The following ZNF320 variants were observed in gnomAD, a reference collection of about 807,000 sequenced individuals.
ZNF320 encodes the protein zinc finger protein 320.
In ZNF320, 2 loss-of-function variants were observed where a neutral mutation model predicts 6.8. That is an observed-to-expected ratio of 0.29 (90% CI 0.12 to 0.93). The LOEUF is 0.93. Ranked by LOEUF, ZNF320 falls within the 40% of genes least tolerant of loss-of-function variation. The probability of loss-of-function intolerance (pLI) is 0.55; values close to 1 mark genes in which losing one functional copy is unlikely to be tolerated. For missense variants in ZNF320, 472 were observed against 611.0 expected (o/e 0.77, Z 2.40); for synonymous variants, 208 against 203.2 (o/e 1.02, Z -0.20).
upstream of ZNF320, among the ~76,000 whole-genome samples, chr19:52,901,266 A>T (rs147090188): frequency 8.9e-3 from 1,357 of 152,292 alleles, 20 homozygotes; most frequent in African/African-American, 0.031. Context: ...TCTTTTGTCT[A>T]ACTTCAGTGA....
Position 52,877,761 on chromosome 19 carries a change from C to G in ZNF320, c.*2835G>C, listed in dbSNP as rs943510598. The stretch of plus-strand genomic sequence containing the variant: ...GTAATTTTTATTTTCCTTTCACAAG[C>G]TTGTGACAGCCATAATGCTTTGACA... On this transcript the variant is annotated 3_prime_UTR_variant, in exon 6 of 6. Coordinates refer to ENST00000682928, the MANE Select transcript of ZNF320 (RefSeq NM_001351774.2). The G allele has an allele frequency of 6.6e-6, 1 of 152,138 alleles. No homozygotes were observed. The highest frequency in any genetic ancestry group is 1.5e-5 in the Non-Finnish European group (1 of 68,016). The allele number at this position is 152,138 out of a possible 1,614,324, so 9.4% of individuals were successfully genotyped here.
chr19:52,881,857 A>G lies in ZNF320; in HGVS notation c.269T>C (p.Ile90Thr). The change falls in exon 6 of 6, where the codon ATT (isoleucine) becomes ACT (threonine). Residue 90 changes from isoleucine to threonine, a missense_variant. Ile to Thr is a moderately conservative substitution (Grantham distance 89). This residue lies in a region of ZNF320 where 462 missense variants were observed against 559.7 expected (regional missense o/e 0.83). Coordinates refer to ENST00000682928, the MANE Select transcript of ZNF320 (RefSeq NM_001351774.2). ...YHIGAFCSQE[I>T]EKDIHDFVFQ... ...CACAAAGTCATGAATGTCTTTCTCA[A>G]TTTCCTGGGAGCAAAATGCTCCAAT... 4 of 1,613,822 alleles carry G rather than the reference A, an allele frequency of 2.5e-6. No individual in the cohort carries two copies. Among genetic ancestry groups the G allele is most frequent in the Non-Finnish European group, 3.4e-6 (4 of 1,179,840 alleles).
In ZNF320 at chr19:52,876,385, A is replaced by G. The variant is rs1568703220; in HGVS notation, c.*4211T>C. ...CAATTTTAAAATGGCTTAAAAATATATCTAATGAAATGTGGGGTCAAAGAA... is the reference window on the plus strand; with the variant it reads ...CAATTTTAAAATGGCTTAAAAATATGTCTAATGAAATGTGGGGTCAAAGAA... On this transcript the variant is annotated 3_prime_UTR_variant, in exon 6 of 6. Transcript: ENST00000682928. 1 of 152,248 alleles carries G rather than the reference A, an allele frequency of 6.6e-6. No individual in the cohort carries two copies. Among genetic ancestry groups the G allele is most frequent in the Non-Finnish European group, 1.5e-5 (1 of 68,042 alleles). 9.4% of individuals were successfully genotyped at this position (152,248 alleles called of 1,614,324 possible). A position where few individuals can be genotyped will look rare whatever the true frequency, so the allele number is the denominator to read the frequency against.
At chr19:52,868,465 C>G (rs1309524769) in intron 5 of ZNF320, among the ~76,000 whole-genome samples, 1 of 150,484 alleles carries the variant, frequency 6.6e-6, no homozygotes, top group Non-Finnish European at 1.5e-5. Context: ...CGGATTGCGC[C>G]ACTGTAGTCC....
chr19:52,903,318 G>C, the ZNF320 span, among the ~76,000 whole-genome samples: 23 of 152,176 alleles, frequency 1.5e-4, no homozygotes, highest in African/African-American at 5.3e-4. Flanking sequence ...ACCTTGTTTA[G>C]TCTAAATTAA....
At chr19:52,875,375 G>T (rs1240831292), downstream of ZNF320, among the ~76,000 whole-genome samples, 3 of 152,178 alleles carry the variant, frequency 2.0e-5, no homozygotes, top group African/African-American at 7.2e-5. Flanking sequence ...GACATGGGTA[G>T]GTGGGTTAAA....
rs2063808370 is a variant in ZNF320 at position 52,878,061 on chromosome 19, G to T, written c.*2535C>A. ...TAAAACATGTCCAACTCTCCAGATA[G>T]TGGTGACATTTTCAGCTTGATATGG... On this transcript the variant is annotated 3_prime_UTR_variant, in exon 6 of 6. Transcript: ENST00000682928. 5.5e-6 allele frequency: 1 copy of T among 182,984 alleles called. No homozygotes were observed. The highest frequency in any genetic ancestry group is 1.2e-5 in the Non-Finnish European group (1 of 83,590). The allele number at this position is 182,984 out of a possible 1,614,324, so 11.3% of individuals were successfully genotyped here.
In ZNF320 at chr19:52,880,469, G is replaced by A. The variant is rs1600610907; in HGVS notation, c.*127C>T. On this transcript the variant is annotated 3_prime_UTR_variant, in exon 6 of 6. Coordinates refer to ENST00000682928, the MANE Select transcript of ZNF320 (RefSeq NM_001351774.2). ...ACCTGTCTTGGCCTCTCAAAGTGCTGGGATTACAGGTGTGAGACACCACGC... is the reference window on the plus strand; with the variant it reads ...ACCTGTCTTGGCCTCTCAAAGTGCTAGGATTACAGGTGTGAGACACCACGC... 2 of 941,902 alleles carry A rather than the reference G, an allele frequency of 2.1e-6. No individual in the cohort carries two copies. Among genetic ancestry groups the A allele is most frequent in the East Asian group, 2.7e-5 (1 of 37,606 alleles). 58.3% of individuals were successfully genotyped at this position (941,902 alleles called of 1,614,324 possible).
intron 5 of ZNF320, 33 bp downstream of exon 5, chr19:52,888,094 A>C (rs1555821760): frequency 6.2e-7 from 1 of 1,601,920 alleles, no homozygotes; most frequent in Non-Finnish European, 8.5e-7. Flanking sequence ...CCACAAGGGC[A>C]CATCCCCACT....
At position 52,885,734 on chromosome 19, in the gene ZNF320, A is replaced by C. The variant is rs146886275; in HGVS notation, c.142+2393T>G. ...TCTGTCTCAAAAAAATAAATAAATA[A>C]ATAAAACAATAAAAATACAAAATTA... On this transcript the variant is annotated intron_variant, in intron 5 of 5. Transcript: ENST00000682928. Among the ~76,000 whole-genome samples the C allele has an allele frequency of 1.2e-3, 189 of 151,488 alleles. 1 individual carries two copies. Among genetic ancestry groups the C allele is most frequent in the African/African-American group, 4.4e-3 (181 of 41,306 alleles).
intron 1 of ZNF320, among the ~76,000 whole-genome samples, chr19:52,896,721 A>G (rs979084213): frequency 6.6e-6 from 1 of 152,162 alleles, no homozygotes; most frequent in Non-Finnish European, 1.5e-5. Flanking sequence ...ATAAAAAAGA[A>G]TAAAAAAGAA....
At position 52,880,825 on chromosome 19, in the gene ZNF320, A is replaced by C; in HGVS notation, c.1301T>G (p.Ile434Ser). Residue 434 changes from isoleucine (I) to serine (S), a missense_variant, in exon 6 of 6, where the codon ATT (isoleucine) becomes AGT (serine). This residue lies in a region of ZNF320 where 462 missense variants were observed against 559.7 expected (regional missense o/e 0.83). Coordinates refer to ENST00000682928, the MANE Select transcript of ZNF320 (RefSeq NM_001351774.2). ...CTTGTGAGGTTTCTCTCCTGTATGA[A>C]TCCTCCTATGTCTTTCAAGGTGTGA... ...RKSHLERHRR[I>S]HTGEKPHKCG... 6.2e-7 allele frequency: 1 copy of C among 1,613,956 alleles called. No individual in the cohort carries two copies. Among genetic ancestry groups the C allele is most frequent in the Non-Finnish European group, 8.5e-7 (1 of 1,179,856 alleles).
At chr19:52,892,934 C>T (rs541848448) in intron 2 of ZNF320, among the ~76,000 whole-genome samples, 2 of 151,916 alleles carry the variant, frequency 1.3e-5, no homozygotes, top group East Asian at 1.9e-4. Context: ...ACCTTGCTGT[C>T]CTTCATCTCT....
chr19:52,895,178 C>G (rs1340501786), intron 1 of ZNF320: 1 of 151,968 alleles, frequency 6.6e-6, no homozygotes, highest in East Asian at 1.9e-4. Flanking sequence ...GAAGAAAGGT[C>G]CTGGGGCCGG....
At chr19:52,901,914 A>AT (rs34240773), upstream of ZNF320, among the ~76,000 whole-genome samples, 29 of 147,894 alleles carry the variant, frequency 2.0e-4, no homozygotes, top group Admixed American at 3.4e-4. Context: ...TTCAACTGCC[A>AT]TTTTTTTTTT....
chr19:52,904,147 C>T, the ZNF320 span, among the ~76,000 whole-genome samples: 5 of 152,382 alleles, frequency 3.3e-5, no homozygotes, highest in South Asian at 1.0e-3. Flanking sequence ...CAGTTCCTTC[C>T]TGGTGTTCAG....
In ZNF320 at chr19:52,877,640, C is replaced by T. The variant is rs1457732041; in HGVS notation, c.*2956G>A. ...CCCGGTTTGGGAGGGGCATATGTAGCTTTTTAAAAAATCTTTGTAACTATC... is the reference window on the plus strand; with the variant it reads ...CCCGGTTTGGGAGGGGCATATGTAGTTTTTTAAAAAATCTTTGTAACTATC... On this transcript the variant is annotated 3_prime_UTR_variant, in exon 6 of 6. Coordinates refer to ENST00000682928, the MANE Select transcript of ZNF320 (RefSeq NM_001351774.2). 6.6e-6 allele frequency: 1 copy of T among 152,136 alleles called. No individual in the cohort carries two copies. The highest frequency in any genetic ancestry group is 2.4e-5 in the African/African-American group (1 of 41,434). The allele number at this position is 152,136 out of a possible 1,614,324, so 9.4% of individuals were successfully genotyped here.
At chr19:52,898,209 A>G (rs886322083), upstream of ZNF320, among the ~76,000 whole-genome samples, 3 of 152,182 alleles carry the variant, frequency 2.0e-5, no homozygotes, top group Non-Finnish European at 2.9e-5. Context: ...TCTATTTTCC[A>G]TTCACTGGGG....
At chr19:52,867,606 AT>A (rs1400456046) in intron 5 of ZNF320, among the ~76,000 whole-genome samples, 3 of 150,054 alleles carry the variant, frequency 2.0e-5, no homozygotes, top group African/African-American at 4.9e-5. Flanking sequence ...TTTTATTTTT[AT>A]TTTTTTTCTT....
Sources: allele counts gnomAD v4.1 joint callset (sites outside exome capture counted in the v4.1 genomes callset), GRCh38; gene constraint gnomAD v4.1.1; regional missense constraint gnomAD v4.1.1; transcripts MANE v1.5; gene names NCBI Gene and HGNC (gene_info 2026-07-23, HGNC 2026-07-21).